The following CEP85 variants were observed in gnomAD, a reference collection of about 807,000 sequenced individuals.
CEP85 encodes the protein centrosomal protein 85, also known as centrosomal protein of 85 kDa.
CEP85 carries 58 observed loss-of-function variants against 93.7 expected under a neutral mutation model. The observed-to-expected ratio is 0.62, with a 90% CI of 0.50 to 0.77. CEP85 has a LOEUF of 0.77. Among genes scored for constraint, CEP85 ranks in the 30% least tolerant of loss-of-function variants. The pLI is 0.00. For synonymous variants in CEP85, 314 were observed against 338.6 expected, an observed-to-expected ratio of 0.93 and a Z score of 0.80; for missense variants, 868 against 922.0, an observed-to-expected ratio of 0.94 and a Z score of 0.76.
chr1:26,274,280 T>C (rs2090021958), intron 11 of CEP85, among the ~76,000 whole-genome samples: 3 of 152,130 alleles, frequency 2.0e-5, no homozygotes, highest in East Asian at 3.8e-4. Context: ...GTAGACAGTA[T>C]TGTCAAGAGC....
At chr1:26,256,728 A>G (rs1191406170) in intron 4 of CEP85, among the ~76,000 whole-genome samples, 2 of 149,002 alleles carry the variant, frequency 1.3e-5, no homozygotes, top group Non-Finnish European at 1.5e-5. Flanking sequence ...CCTCCCGAGT[A>G]GCTGGGACTA....
intron 7 of CEP85, among the ~76,000 whole-genome samples, chr1:26,267,662 G>C (rs552468767): frequency 1.3e-5 from 2 of 152,328 alleles, no homozygotes; most frequent in South Asian, 4.1e-4. Context: ...TCTCCTTGTG[G>C]AATAAGAGCA....
chr1:26,277,254 A>T lies in CEP85; in HGVS notation c.2247A>T (p.Arg749Ser). ...IEDLRTTMSD[R>S]YAQDMGENCV... Reference sequence around the variant, plus strand: ...ACTTAAGGACCACCATGTCAGACAGATATGCCCAGGACATGGGAGAAAACT... The same window carrying T: ...ACTTAAGGACCACCATGTCAGACAGTTATGCCCAGGACATGGGAGAAAACT... Residue 749 changes from arginine to serine, a missense_variant, in exon 14 of 14, where the codon AGA becomes AGT. Transcript: ENST00000451429. The T allele has an allele frequency of 1.9e-6, 3 of 1,614,206 alleles. No homozygotes were observed. The highest frequency in any genetic ancestry group is 2.5e-6 in the Non-Finnish European group (3 of 1,180,008).
chr1:26,256,413 C>T (rs958903760), intron 4 of CEP85, among the ~76,000 whole-genome samples: 2 of 151,846 alleles, frequency 1.3e-5, no homozygotes, highest in Non-Finnish European at 2.9e-5. Flanking sequence ...CGCCTGTAGT[C>T]CCAACTACTC....
At chr1:26,248,978 G>A (rs777745225) in intron 3 of CEP85, among the ~76,000 whole-genome samples, 2 of 151,456 alleles carry the variant, frequency 1.3e-5, no homozygotes, top group African/African-American at 2.4e-5. Context: ...TGCCCACCTC[G>A]GCTTCTCAAA....
intron 7 of CEP85, among the ~76,000 whole-genome samples, chr1:26,262,070 G>C (rs909116064): frequency 6.6e-6 from 1 of 152,170 alleles, no homozygotes; most frequent in South Asian, 2.1e-4. Context: ...CACTTTGGGA[G>C]GCTGAGGAGG....
At chr1:26,276,912 A>G (rs2090061384) in intron 13 of CEP85, 152 bp downstream of exon 13, 2 of 834,794 alleles carry the variant, frequency 2.4e-6, no homozygotes, top group South Asian at 3.4e-5. Context: ...TTCACAAAGT[A>G]GGTGTTCACA....
At chr1:26,262,711 A>G (rs756792454) in intron 7 of CEP85, among the ~76,000 whole-genome samples, 1 of 152,118 alleles carries the variant, frequency 6.6e-6, no homozygotes, top group African/African-American at 2.4e-5. Flanking sequence ...CCTGCAACAC[A>G]CTCTTAAATA....
chr1:26,244,770 C>T (rs2089484424), intron 3 of CEP85, among the ~76,000 whole-genome samples: 1 of 152,108 alleles, frequency 6.6e-6, no homozygotes, highest in Admixed American at 6.6e-5. Context: ...GAACCACCTG[C>T]CTCGGCCTCC....
At chr1:26,256,804 G>T (rs900368526) in intron 4 of CEP85, among the ~76,000 whole-genome samples, 3 of 151,572 alleles carry the variant, frequency 2.0e-5, no homozygotes, top group Non-Finnish European at 4.4e-5. Context: ...TCACCATGCT[G>T]GCCCGCCTAG....
intron 2 of CEP85, among the ~76,000 whole-genome samples, chr1:26,242,707 T>C (rs2089446044): frequency 6.6e-6 from 1 of 152,212 alleles, no homozygotes; most frequent in Admixed American, 6.5e-5. Flanking sequence ...TGCCTCCCAC[T>C]AGATCAGCGA....
At position 26,274,930 on chromosome 1, in the gene CEP85, CTGTG is replaced by C. The variant is rs1388865509; in HGVS notation, c.1795-32_1795-29del. Reference sequence around the variant, plus strand: ...GTCTGAACCAGACTTGTTACCCCTACTGTGTTCCCTCAACATCTTGCTGTGTGAT... The same window carrying C: ...GTCTGAACCAGACTTGTTACCCCTACTTCCCTCAACATCTTGCTGTGTGAT... On this transcript the variant is annotated intron_variant, in intron 11 of 13. Coordinates refer to ENST00000451429, the MANE Select transcript of CEP85 (RefSeq NM_001319944.2). 7 of 1,519,752 alleles carry C rather than the reference CTGTG, an allele frequency of 4.6e-6. No individual in the cohort carries two copies. The South Asian group carries it at 6.0e-5, about 13-fold the overall frequency. 94.1% of individuals were successfully genotyped at this position (1,519,752 alleles called of 1,614,324 possible). A position where few individuals can be genotyped will look rare whatever the true frequency, so the allele number is the denominator to read the frequency against.
At chr1:26,263,195 G>T in intron 7 of CEP85, 2 of 278,778 alleles carry the variant, frequency 7.2e-6, no homozygotes, top group Non-Finnish European at 1.4e-5. Flanking sequence ...GTTGTGGTTG[G>T]TGCATAAAAA....
At position 26,259,747 on chromosome 1, in the gene CEP85, C is replaced by CGTTGCA; in HGVS notation, c.1287_1288insTTGCAG (p.Leu430_Lys431insGlnLeu). The CGTTGCA allele has an allele frequency of 6.2e-7, 1 of 1,613,496 alleles. No homozygotes were observed. On this transcript the variant is annotated inframe_insertion, in exon 7 of 14. Coordinates refer to ENST00000451429, the MANE Select transcript of CEP85 (RefSeq NM_001319944.2). ...GTTGAAGTCCAGCTCATCAGAGAGT[C>CGTTGCA]GCTCAAAGTGGCGTTGCAGAAGCAT...
intron 1 of CEP85, among the ~76,000 whole-genome samples, chr1:26,234,655 C>T (rs1167805747): frequency 6.6e-6 from 1 of 152,200 alleles, no homozygotes; most frequent in African/African-American, 2.4e-5. Context: ...CGGGGTAATC[C>T]CTCGGCGCGC....
intron 3 of CEP85, among the ~76,000 whole-genome samples, chr1:26,251,253 T>TTG (rs2089609321): frequency 7.4e-6 from 1 of 134,820 alleles, no homozygotes; most frequent in African/African-American, 2.9e-5. Flanking sequence ...CAAGCTTGGT[T>TTG]TTTTTTTTTT....
chr1:26,266,139 G>GTTCAC (rs2089891246), intron 7 of CEP85, among the ~76,000 whole-genome samples: 1 of 151,822 alleles, frequency 6.6e-6, no homozygotes, highest in African/African-American at 2.4e-5. Flanking sequence ...AACCCGGGAG[G>GTTCAC]TGGAGGTTCC....
In CEP85 at chr1:26,258,380, C is replaced by T. The variant is rs1283467704; in HGVS notation, c.1155+120C>T. 3 of 700,468 alleles carry T rather than the reference C, an allele frequency of 4.3e-6. No homozygotes were observed. In the East Asian group the frequency reaches 7.5e-5, roughly 18 times the overall value. The allele number at this position is 700,468 out of a possible 1,614,324, so 43.4% of individuals were successfully genotyped here. ...CTCAAGTGATGTAAGTGTCCCTGCC[C>T]TCAAAGAGGGCATACTAATTATAAA... On this transcript the variant is annotated intron_variant, in intron 6 of 13. Coordinates refer to ENST00000451429, the MANE Select transcript of CEP85 (RefSeq NM_001319944.2).
At chr1:26,267,983 G>T (rs888088322) in intron 7 of CEP85, among the ~76,000 whole-genome samples, 6 of 152,232 alleles carry the variant, frequency 3.9e-5, no homozygotes, top group Non-Finnish European at 7.3e-5. Context: ...GACAAATTCT[G>T]TATTTTACAA....
Sources: allele counts gnomAD v4.1 joint callset (sites outside exome capture counted in the v4.1 genomes callset), GRCh38; gene constraint gnomAD v4.1.1; transcripts MANE v1.5; gene names NCBI Gene and HGNC (gene_info 2026-07-23, HGNC 2026-07-21).